Variants in RALGPS1 observed in about 807,000 individuals in gnomAD.
RALGPS1 encodes Ral GEF with PH domain and SH3 binding motif 1.
RALGPS1 carries 19 observed loss-of-function variants against 78.8 expected under a neutral mutation model. That is an observed-to-expected ratio of 0.24 (90% CI 0.17 to 0.35). The LOEUF (loss-of-function observed/expected upper bound fraction) is 0.35, where lower values mean the gene tolerates loss of function less well. Among genes scored for constraint, RALGPS1 ranks in the 10% least tolerant of loss-of-function variants. RALGPS1 has a pLI of 1.00. For synonymous variants in RALGPS1, 228 were observed against 256.3 expected (o/e 0.89, Z 1.06); for missense variants, 454 against 688.3 (o/e 0.66, Z 3.81).
intron 1 of RALGPS1, among the ~76,000 whole-genome samples, chr9:126,947,548 A>G (rs1029223364): frequency 4.6e-5 from 7 of 152,182 alleles, no homozygotes; most frequent in Admixed American, 4.6e-4. Flanking sequence ...CGCAACCTGT[A>G]GCATGATTCT....
In RALGPS1 at chr9:127,066,054, G is replaced by C. The variant is rs112582698; in HGVS notation, c.484-3176G>C. On this transcript the variant is annotated intron_variant, in intron 7 of 18. Coordinates refer to ENST00000259351, the MANE Select transcript of RALGPS1 (RefSeq NM_014636.3). ...TCTGTGTGAGTGTGTGGGGCAAGTT[G>C]GGGATGAGGCATAGAAGATAGGCTG... 5.1e-3 allele frequency among the ~76,000 whole-genome samples: 779 copies of C among 152,304 alleles called. 6 individuals are homozygous for C. Among genetic ancestry groups the C allele is most frequent in the Non-Finnish European group, 9.1e-3 (617 of 68,012 alleles).
chr9:127,163,094 T>C (rs1052447880), intron 8 of RALGPS1, among the ~76,000 whole-genome samples: 2 of 152,190 alleles, frequency 1.3e-5, no homozygotes, highest in Non-Finnish European at 2.9e-5. Context: ...CCAGTTTCTC[T>C]GCTTCTAGGC....
chr9:127,011,552 T>C (rs2044348171), intron 4 of RALGPS1, among the ~76,000 whole-genome samples: 1 of 152,312 alleles, frequency 6.6e-6, no homozygotes, highest in East Asian at 1.9e-4. Flanking sequence ...ACAAATTATA[T>C]GTCTAACTAG....
In RALGPS1 at chr9:127,196,556, G is replaced by A. The variant is rs1474048965; in HGVS notation, c.1120G>A (p.Val374Ile). The change falls in exon 13 of 19, where the codon GTC (valine) becomes ATC (isoleucine). Residue 374 changes from valine to isoleucine, a missense_variant. Transcript: ENST00000259351. The part of the protein sequence containing the change: ...EKARHLLDDS[V>I]LESRSPRRGL... ...AGCAAGGCACCTACTGGACGACAGT[G>A]TCCTAGAGTCCCGCAGCCCCCGAAG... 6.2e-7 allele frequency: 1 copy of A among 1,614,082 alleles called. No homozygotes were observed. Among genetic ancestry groups the A allele is most frequent in the East Asian group, 2.2e-5 (1 of 44,900 alleles).
At chr9:127,187,703 G>A (rs376477916) in intron 11 of RALGPS1, among the ~76,000 whole-genome samples, 5 of 152,202 alleles carry the variant, frequency 3.3e-5, no homozygotes, top group African/African-American at 4.8e-5. Context: ...AATCCCTCGC[G>A]CATGGCTGCT....
At chr9:127,161,871 T>C (rs2059040300) in intron 8 of RALGPS1, among the ~76,000 whole-genome samples, 1 of 152,192 alleles carries the variant, frequency 6.6e-6, no homozygotes, top group Non-Finnish European at 1.5e-5. Context: ...ACAAACGGTA[T>C]TCCCGGTGCA....
intron 1 of RALGPS1, among the ~76,000 whole-genome samples, chr9:126,926,501 T>C (rs2035295645): frequency 6.6e-6 from 1 of 151,852 alleles, no homozygotes; most frequent in Non-Finnish European, 1.5e-5. Context: ...TGGTGGACAG[T>C]GTGGTGTTGC....
intron 3 of RALGPS1, among the ~76,000 whole-genome samples, chr9:126,976,014 T>C (rs1212439994): frequency 2.0e-5 from 3 of 152,350 alleles, no homozygotes; most frequent in African/African-American, 7.2e-5. Context: ...TGCCTGAGGA[T>C]GGTCTGCTTT....
intron 14 of RALGPS1, among the ~76,000 whole-genome samples, chr9:127,203,086 T>C (rs2061731529): frequency 6.6e-6 from 1 of 152,196 alleles, no homozygotes; most frequent in Admixed American, 6.5e-5. Flanking sequence ...GTGTTGGCAC[T>C]AAGATGAAAA....
chr9:127,094,399 A>G (rs1046543276), intron 8 of RALGPS1, among the ~76,000 whole-genome samples: 7 of 152,194 alleles, frequency 4.6e-5, no homozygotes, highest in African/African-American at 1.4e-4. Flanking sequence ...TCTGCAAGGA[A>G]ACTCAGTTCC....
chr9:127,135,112 GA>G (rs2057303272), intron 8 of RALGPS1, among the ~76,000 whole-genome samples: 1 of 152,236 alleles, frequency 6.6e-6, no homozygotes, highest in Non-Finnish European at 1.5e-5. Context: ...CATGGAAGAA[GA>G]GGGGCTGTGT....
chr9:127,001,086 TACAAA>T (rs60748253), intron 4 of RALGPS1, among the ~76,000 whole-genome samples: 30,879 of 137,436 alleles, frequency 0.22, 3,909 homozygotes, highest in East Asian at 0.5. Context: ...ACTCTGTCTC[TACAAA>T]ACAAAACAAA....
chr9:127,067,605 G>A (rs969920660), intron 7 of RALGPS1, among the ~76,000 whole-genome samples: 4 of 152,234 alleles, frequency 2.6e-5, no homozygotes, highest in Admixed American at 2.0e-4. Context: ...TGCACAATGG[G>A]GCTTTTGAAC....
intron 18 of RALGPS1, chr9:127,217,661 G>T (rs1009776953): frequency 1.3e-5 from 2 of 155,356 alleles, no homozygotes; most frequent in African/African-American, 4.8e-5. Flanking sequence ...TTCCTAATTC[G>T]GTTTCTCTCC....
At chr9:126,996,331 T>TA (rs1365234935) in intron 4 of RALGPS1, among the ~76,000 whole-genome samples, 4 of 151,916 alleles carry the variant, frequency 2.6e-5, no homozygotes, top group African/African-American at 9.7e-5. Flanking sequence ...ATAGATGCAA[T>TA]AAAAAATGAT....
At chr9:127,178,087 GAAGTGTTACCAATCCCAGGGAT>G in intron 11 of RALGPS1, 1 of 1,294,372 alleles carries the variant, frequency 7.7e-7, no homozygotes, top group Non-Finnish European at 1.0e-6. Context: ...GCATGGGGAA[GAAGTGTTACCAATCCCAGGGAT>G]GGCTGAGTTC....
chr9:127,010,376 C>T (rs182205344), intron 4 of RALGPS1, among the ~76,000 whole-genome samples: 79 of 152,302 alleles, frequency 5.2e-4, no homozygotes, highest in Non-Finnish European at 1.1e-3. Flanking sequence ...CTTCCAAATT[C>T]ATACACAAGT....
At chr9:127,031,080 C>T (rs1338841955) in intron 4 of RALGPS1, among the ~76,000 whole-genome samples, 2 of 152,192 alleles carry the variant, frequency 1.3e-5, no homozygotes, top group African/African-American at 4.8e-5. Context: ...GCGACAGTCC[C>T]TGGGTAGCTC....
intron 4 of RALGPS1, among the ~76,000 whole-genome samples, chr9:126,999,938 G>A (rs760393670): frequency 2.6e-5 from 4 of 152,114 alleles, no homozygotes; most frequent in Non-Finnish European, 5.9e-5. Flanking sequence ...GTGAGTTTTG[G>A]TTGTGTTTTT....
Sources: allele counts gnomAD v4.1 joint callset (sites outside exome capture counted in the v4.1 genomes callset), GRCh38; gene constraint gnomAD v4.1.1; transcripts MANE v1.5; gene names NCBI Gene and HGNC (gene_info 2026-07-23, HGNC 2026-07-21).